Variants in NAV3 observed in about 807,000 individuals in gnomAD.
NAV3 encodes the protein pore membrane and/or filament interacting like protein 1.
A neutral mutation model predicts 244.7 loss-of-function variants in NAV3; 87 were observed. The observed-to-expected ratio is 0.36, with a 90% CI of 0.30 to 0.42. NAV3 has a LOEUF of 0.42. Ranked by LOEUF, NAV3 falls within the 20% of genes least tolerant of loss-of-function variation. The pLI, the probability that NAV3 is intolerant of heterozygous loss-of-function variation, is 1.00. For synonymous variants in NAV3, 1,126 were observed against 1,042.2 expected (o/e 1.08, Z -1.55); for missense variants, 2,663 against 2,893.3 (o/e 0.92, Z 1.83).
intron 20 of NAV3, among the ~76,000 whole-genome samples, chr12:78,143,616 C>T (rs1956725135): frequency 1.0e-5 from 1 of 95,358 alleles, no homozygotes; most frequent in Non-Finnish European, 1.9e-5. Context: ...CAAAGCCAAA[C>T]ACTGTCTCAG....
At chr12:77,574,788 T>C (rs76484240) in intron 2 of NAV3, among the ~76,000 whole-genome samples, 391 of 151,960 alleles carry the variant, frequency 2.6e-3, no homozygotes, top group Non-Finnish European at 4.5e-3. Context: ...GTACTTATTA[T>C]ATTCTACTTC....
chr12:77,814,079 C>T lies in NAV3; in HGVS notation c.73-126240C>T, dbSNP rs570030271. On this transcript the variant is annotated intron_variant, in intron 2 of 8. Coordinates refer to the NAV3 transcript ENST00000550042. ...TTCAGAGGCTCTGGGGTGCGGAGCC[C>T]AGCATCTGTGTTTCGGCAAGCCCTC... Among the ~76,000 whole-genome samples, 5 of 152,188 alleles carry T rather than the reference C, an allele frequency of 3.3e-5. No homozygotes were observed. The East Asian group carries it at 5.8e-4, about 18-fold the overall frequency.
At chr12:77,685,764 T>A (rs1592581020) in intron 2 of NAV3, among the ~76,000 whole-genome samples, 1 of 152,156 alleles carries the variant, frequency 6.6e-6, no homozygotes, top group East Asian at 1.9e-4. Context: ...CTGTGTAGTG[T>A]CTAAGCCTAA....
Position 78,059,398 on chromosome 12 carries a change from C to T in NAV3, c.2636+283C>T, listed in dbSNP as rs181642706. Among the ~76,000 whole-genome samples the T allele has an allele frequency of 2.6e-5, 4 of 152,130 alleles. No homozygotes were observed. The East Asian group carries it at 7.8e-4, about 29-fold the overall frequency. The stretch of plus-strand genomic sequence containing the variant: ...CTGCCTCCTGGGTTCAAGTGATTCT[C>T]CTGCCTCAGCCTCCTGAGTAGCTGG... On this transcript the variant is annotated intron_variant, in intron 12 of 39. Transcript: ENST00000397909.
intron 9 of NAV3, among the ~76,000 whole-genome samples, chr12:78,039,700 A>T (rs1214430779): frequency 6.6e-6 from 1 of 152,172 alleles, no homozygotes; most frequent in Non-Finnish European, 1.5e-5. Context: ...CTAAAAATTA[A>T]GAGCAAGATC....
rs191849654 is a variant in NAV3 at position 78,205,899 on chromosome 12, T to C, written c.7038+761T>C. On this transcript the variant is annotated intron_variant, in intron 39 of 39. Coordinates refer to ENST00000397909, the MANE Select transcript of NAV3 (RefSeq NM_001024383.2). ...GATACTGAAATAAAAATTCATTATG[T>C]TGCTTAAATCAAACTAAGACAAAAC... is the stretch of plus-strand genomic sequence containing the variant. Among the ~76,000 whole-genome samples the C allele has an allele frequency of 1.2e-3, 179 of 152,240 alleles. 4 individuals carry two copies. Among genetic ancestry groups the C allele is most frequent in the Non-Finnish European group, 1.0e-4 (7 of 67,998 alleles).
At chr12:77,925,111 G>C (rs1372555362) in intron 1 of NAV3, among the ~76,000 whole-genome samples, 1 of 151,946 alleles carries the variant, frequency 6.6e-6, no homozygotes, top group Admixed American at 6.6e-5. Context: ...AGGGTGAAAG[G>C]TTGGGAAAAA....
At chr12:77,785,848 C>T (rs947529249) in intron 2 of NAV3, among the ~76,000 whole-genome samples, 1 of 152,134 alleles carries the variant, frequency 6.6e-6, no homozygotes, top group African/African-American at 2.4e-5. Flanking sequence ...GCTTTGGAAA[C>T]CCAAGAAACC....
chr12:77,746,762 G>T (rs1480334288), intron 2 of NAV3, among the ~76,000 whole-genome samples: 1 of 152,040 alleles, frequency 6.6e-6, no homozygotes, highest in African/African-American at 2.4e-5. Context: ...AAGTTGAGGT[G>T]ATTCAAAGAA....
intron 2 of NAV3, among the ~76,000 whole-genome samples, chr12:77,699,816 C>G (rs907648157): frequency 2.0e-5 from 3 of 149,880 alleles, no homozygotes; most frequent in African/African-American, 7.4e-5. Flanking sequence ...AATGAACAAG[C>G]CTCTGAAATC....
At chr12:78,076,026 T>G (rs1953031968) in intron 12 of NAV3, among the ~76,000 whole-genome samples, 1 of 152,194 alleles carries the variant, frequency 6.6e-6, no homozygotes, top group Non-Finnish European at 1.5e-5. Flanking sequence ...CCTCTTAACA[T>G]GCTTACTCTA....
chr12:77,975,104 C>G (rs981989596), intron 5 of NAV3, among the ~76,000 whole-genome samples: 3 of 151,884 alleles, frequency 2.0e-5, no homozygotes, highest in Admixed American at 6.6e-5. Context: ...CTTTGTATGC[C>G]CAGTCTAAAT....
In NAV3 at chr12:77,762,525, C is replaced by G. The variant is rs11106600; in HGVS notation, c.73-177794C>G. Among the ~76,000 whole-genome samples the G allele has an allele frequency of 3.1e-3, 476 of 152,144 alleles. 3 individuals are homozygous for G. The highest frequency in any genetic ancestry group is 0.011 in the African/African-American group (454 of 41,506). On this transcript the variant is annotated intron_variant, in intron 2 of 8. Coordinates refer to the NAV3 transcript ENST00000550042. ...GGCTGTGGCAGGGGAATCGCTTGAA[C>G]CCGGGAGGCGGAGGTTGTAGTGAGC...
At chr12:77,965,876 A>G (rs1451277781) in intron 3 of NAV3, among the ~76,000 whole-genome samples, 1 of 152,144 alleles carries the variant, frequency 6.6e-6, no homozygotes, top group Non-Finnish European at 1.5e-5. Flanking sequence ...ACATCCTAAC[A>G]TTCTAAGACT....
chr12:77,799,259 T>C (rs1412085101), intron 2 of NAV3, among the ~76,000 whole-genome samples: 1 of 152,210 alleles, frequency 6.6e-6, no homozygotes, highest in African/African-American at 2.4e-5. Context: ...AAAATACTTA[T>C]TGGGGTTCTT....
At chr12:78,042,648 G>A (rs537244750) in intron 9 of NAV3, among the ~76,000 whole-genome samples, 38 of 152,160 alleles carry the variant, frequency 2.5e-4, no homozygotes, top group Non-Finnish European at 4.6e-4. Flanking sequence ...AAAATTAGCC[G>A]GGCATGGTGG....
At chr12:77,784,534 T>C (rs943034736) in intron 2 of NAV3, among the ~76,000 whole-genome samples, 17 of 152,212 alleles carry the variant, frequency 1.1e-4, no homozygotes, top group Admixed American at 7.2e-4. Flanking sequence ...GTCTGTTGCT[T>C]TGGGTAGGGC....
chr12:77,885,885 TTC>T (rs1883225861), intron 1 of NAV3, among the ~76,000 whole-genome samples: 1 of 152,152 alleles, frequency 6.6e-6, no homozygotes, highest in Non-Finnish European at 1.5e-5. Context: ...AACTAAATCT[TTC>T]TAATAAGAAT....
intron 2 of NAV3, among the ~76,000 whole-genome samples, chr12:77,603,903 G>T (rs907277295): frequency 6.6e-6 from 1 of 152,058 alleles, no homozygotes; most frequent in Admixed American, 6.6e-5. Flanking sequence ...AATTGACGAA[G>T]TCCTCATACA....
Sources: allele counts gnomAD v4.1 joint callset (sites outside exome capture counted in the v4.1 genomes callset), GRCh38; gene constraint gnomAD v4.1.1; transcripts MANE v1.5; gene names NCBI Gene and HGNC (gene_info 2026-07-23, HGNC 2026-07-21).